DCP2: variants seen among roughly 807,000 people sequenced by gnomAD.
The protein encoded by DCP2 is decapping mRNA 2.
In DCP2, 30 loss-of-function variants were observed where a neutral mutation model predicts 56.1. The observed-to-expected ratio is 0.53, with a 90% CI of 0.40 to 0.73. The LOEUF is 0.73. Among genes scored for constraint, DCP2 ranks in the 30% least tolerant of loss-of-function variants. The pLI is 0.00. For synonymous variants in DCP2, 197 were observed against 163.3 expected, an observed-to-expected ratio of 1.21 and a Z score of -1.57; for missense variants, 533 against 502.7, an observed-to-expected ratio of 1.06 and a Z score of -0.58.
intron 4 of DCP2, among the ~76,000 whole-genome samples, chr5:112,999,840 C>T (rs1749057151): frequency 2.0e-5 from 3 of 151,444 alleles, no homozygotes; most frequent in African/African-American, 7.3e-5. Flanking sequence ...GCGGGTGGAT[C>T]ACCTGAGGTC....
intron 9 of DCP2, 58 bp from the exon 10 acceptor site, chr5:113,010,698 A>G: frequency 1.4e-6 from 2 of 1,422,272 alleles, no homozygotes; most frequent in Non-Finnish European, 1.8e-6. Flanking sequence ...TAATAAGTGA[A>G]ATAACTGGTG....
chr5:113,002,310 C>T (rs769405645), intron 7 of DCP2, among the ~76,000 whole-genome samples: 2 of 151,754 alleles, frequency 1.3e-5, no homozygotes, highest in Non-Finnish European at 2.9e-5. Flanking sequence ...GTAATCCCAG[C>T]TTCTCGGGAG....
intron 1 of DCP2, among the ~76,000 whole-genome samples, chr5:112,983,439 C>T (rs902043950): frequency 3.9e-5 from 6 of 152,180 alleles, no homozygotes; most frequent in Non-Finnish European, 7.3e-5. Flanking sequence ...CGGGGTCTCA[C>T]ATTGTTGACC....
intron 1 of DCP2, among the ~76,000 whole-genome samples, chr5:112,980,361 T>G (rs187588977): frequency 6.6e-6 from 1 of 152,360 alleles, no homozygotes; most frequent in Admixed American, 6.5e-5. Context: ...CGTAGGTTAA[T>G]TAAATAATTT....
At position 113,015,829 on chromosome 5, in the gene DCP2, T is replaced by A. The variant is rs1396704308; in HGVS notation, c.*2345T>A. ...GTTCAGGTTACCTTGAGAAAGGCCA[T>A]GCTTAGCGAACTGGATTTCTCCTTT... is the stretch of plus-strand genomic sequence containing the variant. On this transcript the variant is annotated 3_prime_UTR_variant, in exon 11 of 11. Transcript: ENST00000389063. The A allele has an allele frequency of 1.3e-5, 2 of 152,694 alleles. No homozygotes were observed. Among genetic ancestry groups the A allele is most frequent in the Non-Finnish European group, 2.9e-5 (2 of 68,044 alleles). The allele number at this position is 152,694 out of a possible 1,614,324, so 9.5% of individuals were successfully genotyped here.
chr5:113,019,952 G>C lies in DCP2; in HGVS notation c.*6468G>C, dbSNP rs1750037341. On this transcript the variant is annotated 3_prime_UTR_variant, in exon 11 of 11. Transcript: ENST00000389063. ...TAGGGCATACAGATTAGTTTGGATGGGAAAGTGGTAAGACTTGACTTTTTA... is the reference window on the plus strand; with the variant it reads ...TAGGGCATACAGATTAGTTTGGATGCGAAAGTGGTAAGACTTGACTTTTTA... 1 of 152,194 alleles carries C rather than the reference G, an allele frequency of 6.6e-6. No homozygotes were observed. The highest frequency in any genetic ancestry group is 1.5e-5 in the Non-Finnish European group (1 of 68,022). 9.4% of individuals were successfully genotyped at this position (152,194 alleles called of 1,614,324 possible).
At position 112,976,810 on chromosome 5, in the gene DCP2, G is replaced by T; in HGVS notation, c.-124G>T. The T allele has an allele frequency of 1.0e-6, 1 of 952,660 alleles. No individual in the cohort carries two copies. Among genetic ancestry groups the T allele is most frequent in the Non-Finnish European group, 1.7e-6 (1 of 575,626 alleles). 59.0% of individuals were successfully genotyped at this position (952,660 alleles called of 1,614,324 possible). Reference sequence around the variant, plus strand: ...GCCCCTTCCCCTTCTCGTCTCCGTTGGAGTCGTCTCTGCCGCGGCTTCCTC... The same window carrying T: ...GCCCCTTCCCCTTCTCGTCTCCGTTTGAGTCGTCTCTGCCGCGGCTTCCTC... On this transcript the variant is annotated 5_prime_UTR_variant, in exon 1 of 11. Coordinates refer to ENST00000389063, the MANE Select transcript of DCP2 (RefSeq NM_152624.6).
chr5:113,010,866 T>C, intron 10 of DCP2, 59 bp downstream of exon 10: 2 of 1,536,742 alleles, frequency 1.3e-6, no homozygotes, highest in Non-Finnish European at 1.8e-6. Flanking sequence ...TTGGTTTACC[T>C]AACTTTGATT....
chr5:112,992,648 T>G (rs1387678274), intron 3 of DCP2, 24 bp from the exon 4 acceptor site: 6 of 1,535,084 alleles, frequency 3.9e-6, no homozygotes, highest in Middle Eastern at 1.7e-4. Context: ...GCAAGTTTGA[T>G]TTTTACTTCT....
Position 113,020,015 on chromosome 5 carries a change from T to A in DCP2, c.*6531T>A, listed in dbSNP as rs1253087159. 1 of 152,222 alleles carries A rather than the reference T, an allele frequency of 6.6e-6. No homozygotes were observed. The highest frequency in any genetic ancestry group is 2.4e-5 in the African/African-American group (1 of 41,466). 9.4% of individuals were successfully genotyped at this position (152,222 alleles called of 1,614,324 possible). On this transcript the variant is annotated 3_prime_UTR_variant, in exon 11 of 11. Coordinates refer to ENST00000389063, the MANE Select transcript of DCP2 (RefSeq NM_152624.6). ...TTTCCAAAAGAAGACTTGATGTGGC[T>A]TTTTACATTATGCTTTAAAGATGTT...
intron 2 of DCP2, among the ~76,000 whole-genome samples, chr5:112,990,310 C>T (rs1018091312): frequency 6.6e-6 from 1 of 152,124 alleles, no homozygotes; most frequent in African/African-American, 2.4e-5. Context: ...CTTGTCTATG[C>T]CTCTGTTTTC....
In DCP2 at chr5:113,019,865, T is replaced by G. The variant is rs914335549; in HGVS notation, c.*6381T>G. ...CAGAATAAAATAAACGGAATTACAG[T>G]TCATGCATTAGCATTTTTAAGTGAA... On this transcript the variant is annotated 3_prime_UTR_variant, in exon 11 of 11. Coordinates refer to ENST00000389063, the MANE Select transcript of DCP2 (RefSeq NM_152624.6). 2.6e-5 allele frequency: 4 copies of G among 152,240 alleles called. No homozygotes were observed. Among genetic ancestry groups the G allele is most frequent in the Admixed American group, 1.3e-4 (2 of 15,284 alleles). The allele number at this position is 152,240 out of a possible 1,614,324, so 9.4% of individuals were successfully genotyped here. A position where few individuals can be genotyped will look rare whatever the true frequency, so the allele number is the denominator to read the frequency against.
At chr5:112,980,019 T>G (rs984833756) in intron 1 of DCP2, among the ~76,000 whole-genome samples, 1 of 152,178 alleles carries the variant, frequency 6.6e-6, no homozygotes, top group Non-Finnish European at 1.5e-5. Context: ...AGTTTGGTCT[T>G]AAAATATTCT....
chr5:113,002,493 T>G (rs1749225653), intron 7 of DCP2, among the ~76,000 whole-genome samples: 1 of 151,946 alleles, frequency 6.6e-6, no homozygotes, highest in Non-Finnish European at 1.5e-5. Flanking sequence ...ACATAAACCG[T>G]GAAGAACATT....
chr5:113,015,798 C>G lies in DCP2; in HGVS notation c.*2314C>G, dbSNP rs928289630. 1 of 152,628 alleles carries G rather than the reference C, an allele frequency of 6.6e-6. No individual in the cohort carries two copies. Among genetic ancestry groups the G allele is most frequent in the African/African-American group, 2.4e-5 (1 of 41,444 alleles). The allele number at this position is 152,628 out of a possible 1,614,324, so 9.5% of individuals were successfully genotyped here. ...TTCTCTCAAACCTGGGTAATAGTTT[C>G]TCAGTGTTCAGGTTACCTTGAGAAA... On this transcript the variant is annotated 3_prime_UTR_variant, in exon 11 of 11. Transcript: ENST00000389063.
chr5:112,984,704 ATATATAT>A (rs1457894630), intron 1 of DCP2: 2 of 89,046 alleles, frequency 2.2e-5, no homozygotes, highest in African/African-American at 1.2e-4. Context: ...AAAAAAAAAA[ATATATAT>A]ATATATATAT....
At chr5:112,991,949 G>T (rs1488163165) in intron 2 of DCP2, among the ~76,000 whole-genome samples, 172 bp from the exon 3 acceptor site, 2 of 152,176 alleles carry the variant, frequency 1.3e-5, no homozygotes, top group Non-Finnish European at 2.9e-5. Flanking sequence ...CTCCCAAAGT[G>T]CTGGGGTTAC....
At chr5:113,011,789 T>A (rs1030667780) in intron 10 of DCP2, among the ~76,000 whole-genome samples, 1 of 152,202 alleles carries the variant, frequency 6.6e-6, no homozygotes, top group Non-Finnish European at 1.5e-5. Flanking sequence ...ATTGTGAAGA[T>A]GGGCATCAGA....
intron 2 of DCP2, among the ~76,000 whole-genome samples, chr5:112,990,079 A>G (rs1748510315): frequency 6.6e-6 from 1 of 152,234 alleles, no homozygotes; most frequent in Non-Finnish European, 1.5e-5. Flanking sequence ...ATATTTGTAC[A>G]TGTAAATCGT....
Sources: allele counts gnomAD v4.1 joint callset (sites outside exome capture counted in the v4.1 genomes callset), GRCh38; gene constraint gnomAD v4.1.1; transcripts MANE v1.5; gene names NCBI Gene and HGNC (gene_info 2026-07-23, HGNC 2026-07-21).